Variants in ZNF837 observed in about 807,000 individuals in gnomAD.
ZNF837 encodes the protein zinc finger protein 837.
For synonymous variants in ZNF837, 475 were observed against 365.2 expected (o/e 1.30, Z -3.43); for missense variants, 955 against 801.7 (o/e 1.19, Z -2.31).
chr19:58,371,554 T>G (rs1297009942), intron 1 of ZNF837, among the ~76,000 whole-genome samples: 2 of 152,198 alleles, frequency 1.3e-5, no homozygotes, highest in Non-Finnish European at 2.9e-5. Flanking sequence ...AGCACAGCCT[T>G]TAGACTCTGA....
At chr19:58,374,047 A>C (rs1015727707) in intron 1 of ZNF837, among the ~76,000 whole-genome samples, 2 of 152,232 alleles carry the variant, frequency 1.3e-5, no homozygotes, top group African/African-American at 4.8e-5. Flanking sequence ...GGACAAGAAG[A>C]CATGGCAAAA....
intron 1 of ZNF837, among the ~76,000 whole-genome samples, chr19:58,378,824 G>T (rs73060243): frequency 1.3e-5 from 2 of 152,302 alleles, no homozygotes; most frequent in South Asian, 4.1e-4. Flanking sequence ...CTGACACGGA[G>T]AAGAGTGGTC....
chr19:58,376,854 T>G (rs1599927222), intron 1 of ZNF837, among the ~76,000 whole-genome samples: 1 of 148,712 alleles, frequency 6.7e-6, no homozygotes, highest in Admixed American at 6.7e-5. Context: ...CCAAGGTGGG[T>G]GGATGGCTTG....
chr19:58,369,107 G>A lies in ZNF837; in HGVS notation c.226C>T (p.Pro76Ser). ...GTCCCGGCGCTGTGCCGGGTCCCCGGGCCGGGGCTCACCCCGAGGCTGCAG... is the reference window on the plus strand; with the variant it reads ...GTCCCGGCGCTGTGCCGGGTCCCCGAGCCGGGGCTCACCCCGAGGCTGCAG... ...RGCSLGVSPG[P>S]GTRHSAGTRP... Residue 76 changes from proline to serine, a missense_variant, in exon 3 of 3, where the codon CCG becomes TCG. Coordinates refer to ENST00000597582, the MANE Select transcript of ZNF837 (RefSeq NM_138466.2). 2 of 1,502,126 alleles carry A rather than the reference G, an allele frequency of 1.3e-6. No individual in the cohort carries two copies. The highest frequency in any genetic ancestry group is 1.8e-6 in the Non-Finnish European group (2 of 1,126,302). The allele number at this position is 1,502,126 out of a possible 1,614,324, so 93.0% of individuals were successfully genotyped here. A position where few individuals can be genotyped will look rare whatever the true frequency, so the allele number is the denominator to read the frequency against.
Position 58,368,544 on chromosome 19 carries a change from G to A in ZNF837, c.789C>T (p.Pro263=). Residue 263 remains proline (P), a synonymous_variant, in exon 3 of 3, where the codon CCC becomes CCT. Coordinates refer to ENST00000597582, the MANE Select transcript of ZNF837 (RefSeq NM_138466.2). ...GQTSRPRPIV[P]DPPAQRLYAC... ...CGTACAGTCGCTGGGCCGGGGGGTC[G>A]GGGACAATAGGGCGAGGTCGCGAGG... 1 of 1,538,170 alleles carries A rather than the reference G, an allele frequency of 6.5e-7. No homozygotes were observed.
At chr19:58,376,313 G>A (rs896364750) in intron 1 of ZNF837, among the ~76,000 whole-genome samples, 1 of 152,044 alleles carries the variant, frequency 6.6e-6, no homozygotes, top group African/African-American at 2.4e-5. Flanking sequence ...AGCACTTTGG[G>A]AGGCCGAGGC....
In ZNF837 at chr19:58,371,203, T is replaced by C. The variant is rs929506984; in HGVS notation, c.-139-1275A>G. On this transcript the variant is annotated intron_variant, in intron 1 of 2. Coordinates refer to ENST00000597582, the MANE Select transcript of ZNF837 (RefSeq NM_138466.2). ...TTGCAGTGAGCCGAGATCACGCCAC[T>C]GCACTCCAGCCTGGGCGACAGAACG... is the stretch of plus-strand genomic sequence containing the variant. Among the ~76,000 whole-genome samples the C allele has an allele frequency of 2.8e-5, 4 of 144,892 alleles. No homozygotes were observed. In the South Asian group the frequency reaches 6.5e-4, roughly 23 times the overall value.
At chr19:58,374,996 C>T (rs1230300297) in intron 1 of ZNF837, among the ~76,000 whole-genome samples, 5 of 150,550 alleles carry the variant, frequency 3.3e-5, no homozygotes, top group African/African-American at 1.2e-4. Context: ...CAGTGGCTCA[C>T]GCCTGTAATC....
chr19:58,368,680 A>T lies in ZNF837; in HGVS notation c.653T>A (p.Leu218Gln), dbSNP rs1473312995. The T allele has an allele frequency of 6.5e-7, 1 of 1,530,730 alleles. No individual in the cohort carries two copies. Among genetic ancestry groups the T allele is most frequent in the Non-Finnish European group, 8.7e-7 (1 of 1,143,066 alleles). 94.8% of individuals were successfully genotyped at this position (1,530,730 alleles called of 1,614,324 possible). The change falls in exon 3 of 3, where the codon CTG (leucine) becomes CAG (glutamine). Residue 218 changes from leucine to glutamine, a missense_variant. Leu to Gln is a moderately radical substitution (Grantham distance 113). Coordinates refer to ENST00000597582, the MANE Select transcript of ZNF837 (RefSeq NM_138466.2). ...WRALRIPQER[L>Q]QATEEPRPCA... is the part of the protein sequence containing the mutation. Reference sequence around the variant, plus strand: ...CGGACGGGGCTCCTCCGTCGCCTGCAGCCTCTCCTGGGGGATCCGCAGGGC... The same window carrying T: ...CGGACGGGGCTCCTCCGTCGCCTGCTGCCTCTCCTGGGGGATCCGCAGGGC...
intron 1 of ZNF837, among the ~76,000 whole-genome samples, chr19:58,372,018 G>A (rs1468572493): frequency 1.3e-5 from 2 of 151,886 alleles, no homozygotes; most frequent in Admixed American, 6.6e-5. Context: ...ACCGTACCTG[G>A]CCAGATATCC....
At chr19:58,379,470 C>T (rs1387491166) in intron 1 of ZNF837, among the ~76,000 whole-genome samples, 1 of 152,210 alleles carries the variant, frequency 6.6e-6, no homozygotes, top group Non-Finnish European at 1.5e-5. Flanking sequence ...GCATTCCAGC[C>T]ATGGACCCAT....
Position 58,368,615 on chromosome 19 carries a change from G to C in ZNF837, c.718C>G (p.Gln240Glu), listed in dbSNP as rs1413377496. The C allele has an allele frequency of 2.0e-6, 3 of 1,533,118 alleles. No homozygotes were observed. The highest frequency in any genetic ancestry group is 2.6e-6 in the Non-Finnish European group (3 of 1,144,454). 95.0% of individuals were successfully genotyped at this position (1,533,118 alleles called of 1,614,324 possible). The stretch of plus-strand genomic sequence containing the variant: ...ACTGGGGGACTCTTGCCCGCCTGCT[G>C]CTGCTGGTTGGGGCGGAAGCGCTTC... ...CGKRFRPNQQ[Q>E]QAGKSPPVCP... is the part of the protein sequence containing the mutation. The change falls in exon 3 of 3, where the codon CAG (glutamine) becomes GAG (glutamate). Residue 240 changes from glutamine to glutamate, a missense_variant. Coordinates refer to ENST00000597582, the MANE Select transcript of ZNF837 (RefSeq NM_138466.2).
rs188413783 is a variant in ZNF837, at chr19:58,373,145, C to T, written c.-139-3217G>A. On this transcript the variant is annotated intron_variant, in intron 1 of 2. Coordinates refer to ENST00000597582, the MANE Select transcript of ZNF837 (RefSeq NM_138466.2). ...TCTCCCTCTGCACCTTAAAGCCACT[C>T]GGGGTCTGGGTTTTCCTGAGACTTC... Among the ~76,000 whole-genome samples, 310 of 152,354 alleles carry T rather than the reference C, an allele frequency of 2.0e-3. 1 individual carries two copies. Among genetic ancestry groups the T allele is most frequent in the African/African-American group, 7.0e-3 (289 of 41,578 alleles).
intron 1 of ZNF837, among the ~76,000 whole-genome samples, chr19:58,371,403 G>A (rs1042236915): frequency 1.3e-4 from 20 of 152,270 alleles, no homozygotes; most frequent in African/African-American, 4.8e-4. Flanking sequence ...GCGAGACTCC[G>A]TCTCAAAAAT....
intron 1 of ZNF837, among the ~76,000 whole-genome samples, chr19:58,375,305 TATATATAA>T (rs201141750): frequency 0.088 from 4,456 of 50,648 alleles, 420 homozygotes; most frequent in Non-Finnish European, 0.16. Context: ...TATATATATA[TATATATAA>T]AATTACATAT....
At chr19:58,371,204 G>A (rs572903690) in intron 1 of ZNF837, among the ~76,000 whole-genome samples, 25 of 145,714 alleles carry the variant, frequency 1.7e-4, no homozygotes, top group Admixed American at 1.7e-3. Flanking sequence ...TCACGCCACT[G>A]CACTCCAGCC....
At chr19:58,373,544 G>C (rs2052218158) in intron 1 of ZNF837, among the ~76,000 whole-genome samples, 1 of 152,220 alleles carries the variant, frequency 6.6e-6, no homozygotes, top group South Asian at 2.1e-4. Context: ...TTGTGGATCT[G>C]AGTCTGAGGC....
At chr19:58,370,699 C>G (rs1283024134) in intron 1 of ZNF837, among the ~76,000 whole-genome samples, 1 of 149,112 alleles carries the variant, frequency 6.7e-6, no homozygotes, top group Non-Finnish European at 1.5e-5. Flanking sequence ...AGTTTGAGAC[C>G]AGCCTGACCA....
Position 58,369,321 on chromosome 19 carries a change from T to A in ZNF837, c.12A>T (p.Pro4=). 3 of 1,365,590 alleles carry A rather than the reference T, an allele frequency of 2.2e-6. No homozygotes were observed. Among genetic ancestry groups the A allele is most frequent in the Non-Finnish European group, 2.8e-6 (3 of 1,064,516 alleles). 84.6% of individuals were successfully genotyped at this position (1,365,590 alleles called of 1,614,324 possible). The stretch of plus-strand genomic sequence containing the variant: ...GTCCTCCCTGCCCAGCCTTCTGGGC[T>A]GGAGCCTCCATCCTGGGGCGCAGAG... The part of the protein sequence containing the change: MEA[P]AQKAGQGGLP... Residue 4 remains proline, a synonymous_variant, in exon 3 of 3, where the codon CCA becomes CCT. Transcript: ENST00000597582.
Sources: gnomAD v4.1 joint callset for allele counts (sites outside exome capture counted in the v4.1 genomes callset) on GRCh38, gnomAD v4.1.1 for gene constraint, MANE v1.5 for transcripts, NCBI Gene and HGNC (gene_info 2026-07-23, HGNC 2026-07-21) for gene names.